CSMD1: variants seen among roughly 807,000 people sequenced by gnomAD.
CSMD1 encodes the protein CUB and sushi domain-containing protein 1.
CSMD1 carries 213 observed loss-of-function variants against 417.5 expected under a neutral mutation model. The ratio of observed to expected loss-of-function variants is 0.51; its 90% CI spans 0.46 to 0.57. CSMD1 has a LOEUF of 0.57. CSMD1 is among the 20% of genes least tolerant of loss of function. The probability of loss-of-function intolerance (pLI) is 0.00; values close to 1 mark genes in which losing one functional copy is unlikely to be tolerated. For missense variants in CSMD1, 6,923 were observed against 4,529.7 expected, an observed-to-expected ratio of 1.53 and a Z score of -15.17; for synonymous variants, 2,862 against 1,736.8, an observed-to-expected ratio of 1.65 and a Z score of -16.11.
chr8:3,266,678 G>C (rs1801455960), intron 26 of CSMD1, among the ~76,000 whole-genome samples: 1 of 149,474 alleles, frequency 6.7e-6, no homozygotes, highest in South Asian at 2.1e-4. Flanking sequence ...AGGAGGCTAA[G>C]GCAGGAGAAC....
chr8:4,030,803 G>A (rs983362149), intron 4 of CSMD1, among the ~76,000 whole-genome samples: 1 of 152,066 alleles, frequency 6.6e-6, no homozygotes. Context: ...TTATAAAACT[G>A]AAAGCTTTAC....
In CSMD1 at chr8:3,029,319, C is replaced by G. The variant is rs1426729431; in HGVS notation, c.7855G>C (p.Val2619Leu). The G allele has an allele frequency of 1.2e-6, 2 of 1,601,986 alleles. No homozygotes were observed. Among genetic ancestry groups the G allele is most frequent in the Non-Finnish European group, 1.7e-6 (2 of 1,174,738 alleles). Residue 2619 changes from valine to leucine, a missense_variant and splice_region_variant, in exon 51 of 70, where the codon GTT becomes CTT. Coordinates refer to ENST00000635120, the MANE Select transcript of CSMD1 (RefSeq NM_033225.6). ...CAGGGGTGCCTCCCTCATCACTTAC[C>G]TCGACAGCTTGGCCTCTCATCTCCT... ...NIGDERPSCR[V>L]ISCGSLSFPP...
At chr8:3,798,005 T>A (rs139151255) in intron 5 of CSMD1, among the ~76,000 whole-genome samples, 53 of 152,140 alleles carry the variant, frequency 3.5e-4, no homozygotes, top group African/African-American at 1.2e-3. Context: ...TTGAAGATTA[T>A]TGATGTTGAT....
At chr8:3,259,157 A>T (rs1208759937) in intron 26 of CSMD1, among the ~76,000 whole-genome samples, 1 of 152,224 alleles carries the variant, frequency 6.6e-6, no homozygotes, top group South Asian at 2.1e-4. Context: ...TATTGAGCTG[A>T]AAACATTCTT....
At chr8:4,035,768 T>C (rs1797584005) in intron 3 of CSMD1, among the ~76,000 whole-genome samples, 1 of 152,220 alleles carries the variant, frequency 6.6e-6, no homozygotes, top group South Asian at 2.1e-4. Context: ...GAAGTAACGT[T>C]ATACTAAGCT....
intron 3 of CSMD1, among the ~76,000 whole-genome samples, chr8:4,287,733 C>A (rs992723515): frequency 2.6e-5 from 4 of 151,660 alleles, no homozygotes; most frequent in African/African-American, 4.8e-5. Flanking sequence ...AGTTACACAA[C>A]ATCACACAAA....
At chr8:3,499,426 G>A (rs1255444615) in intron 10 of CSMD1, among the ~76,000 whole-genome samples, 1 of 152,098 alleles carries the variant, frequency 6.6e-6, no homozygotes, top group Non-Finnish European at 1.5e-5. Context: ...TTCTGGCAGT[G>A]GTTGGCCTCA....
intron 7 of CSMD1, among the ~76,000 whole-genome samples, chr8:3,636,333 A>G (rs561000015): frequency 1.2e-4 from 19 of 152,152 alleles, no homozygotes; most frequent in African/African-American, 4.6e-4. Flanking sequence ...ATGCGCCACC[A>G]CGCCTGGCTA....
chr8:4,659,847 G>T (rs1468159662), intron 1 of CSMD1, among the ~76,000 whole-genome samples: 1 of 151,704 alleles, frequency 6.6e-6, no homozygotes. Flanking sequence ...ATATTAACAT[G>T]CTAAACAATA....
chr8:4,600,111 G>A (rs1461374696), intron 2 of CSMD1, among the ~76,000 whole-genome samples: 1 of 152,124 alleles, frequency 6.6e-6, no homozygotes, highest in Non-Finnish European at 1.5e-5. Flanking sequence ...AGTCTAGGTC[G>A]GGCTGACGTT....
chr8:4,819,244 G>A (rs60781354), intron 1 of CSMD1, among the ~76,000 whole-genome samples: 5,934 of 152,058 alleles, frequency 0.039, 276 homozygotes, highest in East Asian at 0.24. Context: ...CTAGTATTTG[G>A]CATTTTACAA....
intron 5 of CSMD1, among the ~76,000 whole-genome samples, chr8:3,792,288 G>C (rs1799795081): frequency 6.6e-6 from 1 of 151,826 alleles, no homozygotes; most frequent in Non-Finnish European, 1.5e-5. Flanking sequence ...GAGAGACCTG[G>C]TCTCAAAAAG....
At chr8:4,451,330 A>G (rs941319174) in intron 2 of CSMD1, among the ~76,000 whole-genome samples, 3 of 152,206 alleles carry the variant, frequency 2.0e-5, no homozygotes, top group Non-Finnish European at 2.9e-5. Context: ...AGCCTGGGCA[A>G]CAAAGCAAGA....
At chr8:3,399,879 C>A (rs11785551) in intron 15 of CSMD1, among the ~76,000 whole-genome samples, 50,787 of 152,028 alleles carry the variant, frequency 0.33, 8,700 homozygotes, top group Middle Eastern at 0.38. Flanking sequence ...TAACAATTAT[C>A]TATACATAAG....
At chr8:3,260,108 G>T (rs1389455132) in intron 26 of CSMD1, among the ~76,000 whole-genome samples, 1 of 152,144 alleles carries the variant, frequency 6.6e-6, no homozygotes, top group South Asian at 2.1e-4. Flanking sequence ...TTCTTTGCAT[G>T]TATATGGCAT....
intron 5 of CSMD1, among the ~76,000 whole-genome samples, chr8:3,899,510 T>G (rs913068317): frequency 7.9e-5 from 12 of 152,196 alleles, no homozygotes; most frequent in African/African-American, 2.9e-4. Context: ...ACCCTCATTT[T>G]GGATGCTGTC....
At chr8:4,823,152 C>T (rs776323917) in intron 1 of CSMD1, among the ~76,000 whole-genome samples, 1 of 152,040 alleles carries the variant, frequency 6.6e-6, no homozygotes, top group Non-Finnish European at 1.5e-5. Context: ...ATGCAGCAAT[C>T]GTCACAACTG....
intron 6 of CSMD1, among the ~76,000 whole-genome samples, chr8:3,717,522 G>A (rs1199811892): frequency 6.6e-6 from 1 of 152,104 alleles, no homozygotes; most frequent in Non-Finnish European, 1.5e-5. Flanking sequence ...CTTGTCACAT[G>A]GCCATGAAAG....
At chr8:4,770,732 A>C (rs1392859315) in intron 1 of CSMD1, among the ~76,000 whole-genome samples, 4 of 152,108 alleles carry the variant, frequency 2.6e-5, no homozygotes, top group Non-Finnish European at 5.9e-5. Context: ...TTGTCAAAAA[A>C]TGGTGTTAGG....
Sources: gnomAD v4.1 joint callset for allele counts (sites outside exome capture counted in the v4.1 genomes callset) on GRCh38, gnomAD v4.1.1 for gene constraint, MANE v1.5 for transcripts, NCBI Gene and HGNC (gene_info 2026-07-23, HGNC 2026-07-21) for gene names.